ZNF577: variants seen among roughly 807,000 people sequenced by gnomAD.
ZNF577 encodes zinc finger protein 577.
In ZNF577, 14 loss-of-function variants were observed where a neutral mutation model predicts 13.9. The ratio of observed to expected loss-of-function variants is 1.00; its 90% CI spans 0.66 to 1.57. The LOEUF (loss-of-function observed/expected upper bound fraction) is 1.57. ZNF577 is among the 40% of genes most tolerant of loss of function. ZNF577 has a pLI of 0.00. For missense variants in ZNF577, 555 were observed against 579.2 expected, an observed-to-expected ratio of 0.96 and a Z score of 0.43; for synonymous variants, 203 against 202.9, an observed-to-expected ratio of 1.00 and a Z score of 0.00.
At chr19:51,884,045 G>A (rs184742474) in intron 1 of ZNF577, among the ~76,000 whole-genome samples, 2,280 of 152,264 alleles carry the variant, frequency 0.015, 70 homozygotes, top group African/African-American at 0.052. Context: ...CTGCAGTCCG[G>A]CCTCGGTGAC....
intron 5 of ZNF577, among the ~76,000 whole-genome samples, chr19:51,849,294 G>A (rs1192787388): frequency 1.3e-5 from 2 of 152,212 alleles, no homozygotes; most frequent in Non-Finnish European, 2.9e-5. Flanking sequence ...TAACCTGTCT[G>A]CAGGATGAAG....
intron 3 of ZNF577, 181 bp from the exon 4 acceptor site, chr19:51,878,696 C>T (rs946668249): frequency 1.0e-5 from 6 of 581,790 alleles, no homozygotes; most frequent in African/African-American, 3.7e-5. Flanking sequence ...GAAGGCAGTA[C>T]TAGCATAGAT....
chr19:51,833,895 G>C (rs1279498510), intron 9 of ZNF577, among the ~76,000 whole-genome samples: 1 of 152,074 alleles, frequency 6.6e-6, no homozygotes, highest in Non-Finnish European at 1.5e-5. Flanking sequence ...CATCGTAATT[G>C]TACATGTTTA....
At chr19:51,808,478 A>G (rs927336935) in intron 10 of ZNF577, among the ~76,000 whole-genome samples, 1 of 152,254 alleles carries the variant, frequency 6.6e-6, no homozygotes, top group Non-Finnish European at 1.5e-5. Context: ...TGTAAGCAGT[A>G]GGAAACATAT....
At chr19:51,826,493 T>C (rs2084232723) in intron 9 of ZNF577, among the ~76,000 whole-genome samples, 1 of 152,230 alleles carries the variant, frequency 6.6e-6, no homozygotes, top group African/African-American at 2.4e-5. Context: ...GGCAGTTTTC[T>C]TTTTCACATT....
At chr19:51,827,398 GTTTC>G (rs2084237769) in intron 9 of ZNF577, among the ~76,000 whole-genome samples, 1 of 152,156 alleles carries the variant, frequency 6.6e-6, no homozygotes, top group Non-Finnish European at 1.5e-5. Context: ...TACTTGATAT[GTTTC>G]TTTCAAGTAA....
chr19:51,873,065 A>G lies in ZNF577; in HGVS notation c.925T>C (p.Phe309Leu), dbSNP rs560613834. Reference protein sequence around the residue: ...KCSDCGRTFYFKSDLTRHQRI... With the variant: ...KCSDCGRTFYLKSDLTRHQRI... Reference sequence around the variant, plus strand: ...TGATGTCTGGTCAGGTCTGACTTAAAATAGAAGGTTCTTCCACAATCACTG... The same window carrying G: ...TGATGTCTGGTCAGGTCTGACTTAAGATAGAAGGTTCTTCCACAATCACTG... The change falls in exon 6 of 6, where the codon TTT becomes CTT. Residue 309 changes from phenylalanine to leucine, a missense_variant. Phe to Leu is a conservative substitution (Grantham distance 22). Transcript: ENST00000638348. The G allele has an allele frequency of 4.8e-5, 77 of 1,614,162 alleles. 1 individual carries two copies. The South Asian group carries it at 8.2e-4, about 17-fold the overall frequency.
chr19:51,822,322 T>C (rs1456392375), intron 9 of ZNF577, among the ~76,000 whole-genome samples: 1 of 152,144 alleles, frequency 6.6e-6, no homozygotes, highest in Non-Finnish European at 1.5e-5. Flanking sequence ...TAGAACAAAT[T>C]AGAAAATCAA....
chr19:51,846,775 A>T (rs943208398), intron 5 of ZNF577, among the ~76,000 whole-genome samples: 2 of 151,990 alleles, frequency 1.3e-5, no homozygotes, highest in African/African-American at 4.8e-5. Flanking sequence ...GGCCATCTGC[A>T]AACCAGAAAA....
chr19:51,826,370 T>A (rs1245968914), intron 9 of ZNF577, among the ~76,000 whole-genome samples: 1 of 152,272 alleles, frequency 6.6e-6, no homozygotes, highest in African/African-American at 2.4e-5. Flanking sequence ...TCGGGTATTA[T>A]ATCTTTGTTA....
chr19:51,837,711 G>C (rs2084295842), intron 9 of ZNF577, among the ~76,000 whole-genome samples: 1 of 151,966 alleles, frequency 6.6e-6, no homozygotes, highest in African/African-American at 2.4e-5. Flanking sequence ...ACAGGAGGTG[G>C]GGAAAGGGGA....
At chr19:51,881,353 T>C (rs1181232637) in intron 1 of ZNF577, among the ~76,000 whole-genome samples, 1 of 152,108 alleles carries the variant, frequency 6.6e-6, no homozygotes, top group Non-Finnish European at 1.5e-5. Flanking sequence ...CTCAAGAAAC[T>C]GACTTAAAAT....
intron 9 of ZNF577, among the ~76,000 whole-genome samples, chr19:51,829,189 C>G (rs1010751099): frequency 6.6e-6 from 1 of 152,108 alleles, no homozygotes; most frequent in Admixed American, 6.5e-5. Context: ...AGACTGATAT[C>G]CAGTGAAAAA....
chr19:51,821,184 T>C (rs192450792), intron 9 of ZNF577, among the ~76,000 whole-genome samples: 12 of 152,264 alleles, frequency 7.9e-5, no homozygotes, highest in Admixed American at 2.0e-4. Context: ...CACAAAACTG[T>C]CCTTGTTCTG....
chr19:51,881,587 G>A (rs1296920031), intron 1 of ZNF577, among the ~76,000 whole-genome samples: 1 of 152,064 alleles, frequency 6.6e-6, no homozygotes, highest in Non-Finnish European at 1.5e-5. Context: ...ATCTACATCT[G>A]GGGTCTCTCC....
chr19:51,878,301 T>C, intron 4 of ZNF577, 88 bp downstream of exon 4: 3 of 1,379,510 alleles, frequency 2.2e-6, no homozygotes, highest in Non-Finnish European at 2.9e-6. Flanking sequence ...CATATAATAC[T>C]TTAGTCTAAA....
rs144954774 is a variant in ZNF577, at chr19:51,806,742, G to A, written c.*818-1488C>T. ...TGAGCAAATGATGACAGACAATGTC[G>A]CTGTACATGACCAGCTGTCTCACCT... On this transcript the variant is annotated intron_variant and NMD_transcript_variant, in intron 10 of 10. Transcript: ENST00000638827. 3.7e-4 allele frequency among the ~76,000 whole-genome samples: 56 copies of A among 152,272 alleles called. No homozygotes were observed. The East Asian group carries it at 9.3e-3, about 25-fold the overall frequency.
intron 9 of ZNF577, among the ~76,000 whole-genome samples, chr19:51,839,308 C>G (rs1476186134): frequency 6.6e-6 from 1 of 152,166 alleles, no homozygotes; most frequent in East Asian, 1.9e-4. Context: ...ACAGGAGGAT[C>G]ACTTGAGCCC....
At position 51,869,622 on chromosome 19, in the gene ZNF577, A is replaced by G. The variant is rs941056199; in HGVS notation, c.*2910T>C. Among the ~76,000 whole-genome samples, 1 of 132,950 alleles carries G rather than the reference A, an allele frequency of 7.5e-6. No individual in the cohort carries two copies. Among genetic ancestry groups the G allele is most frequent in the East Asian group, 2.0e-4 (1 of 5,124 alleles). 87.2% of individuals were successfully genotyped at this position (132,950 alleles called of 152,430 possible). A position where few individuals can be genotyped will look rare whatever the true frequency, so the allele number is the denominator to read the frequency against. On this transcript the variant is annotated 3_prime_UTR_variant, in exon 6 of 6. Transcript: ENST00000638348. ...TTTCTCTACTTTGTCTCTGTGTCTT[A>G]TTTCTTATTTCTTTTCTCAGTCTCT...
Sources: gnomAD v4.1 joint callset for allele counts (sites outside exome capture counted in the v4.1 genomes callset) on GRCh38, gnomAD v4.1.1 for gene constraint, MANE v1.5 for transcripts, NCBI Gene and HGNC (gene_info 2026-07-23, HGNC 2026-07-21) for gene names.